SLC5A2: variants seen among roughly 807,000 people sequenced by gnomAD.
The protein encoded by SLC5A2 is solute carrier family 5 member 2.
In SLC5A2, 67 loss-of-function variants were observed where a neutral mutation model predicts 69.0. That is an observed-to-expected ratio of 0.97 (90% CI 0.80 to 1.19). The LOEUF is 1.19. Ranked by LOEUF, SLC5A2 falls within the 50% of genes most tolerant of loss-of-function variation. SLC5A2 has a pLI of 0.00. For synonymous variants in SLC5A2, 455 were observed against 395.8 expected (o/e 1.15, Z -1.78); for missense variants, 1,001 against 921.5 (o/e 1.09, Z -1.12).
chr16:31,489,049 G>C lies in SLC5A2; in HGVS notation c.1449+1G>C, dbSNP rs1596621169. The C allele has an allele frequency of 1.9e-6, 3 of 1,601,352 alleles. No homozygotes were observed. The highest frequency in any genetic ancestry group is 2.2e-5 in the East Asian group (1 of 44,876). On this transcript the variant is annotated splice_donor_variant, in intron 11 of 13. Transcript: ENST00000330498. LOFTEE classifies it high-confidence loss of function. ...CTTCGTGCCGCGCGTTAATGAGCAGGTGAGCGGCACGCGCGTGGTGACGGC... is the reference window on the plus strand; with the variant it reads ...CTTCGTGCCGCGCGTTAATGAGCAGCTGAGCGGCACGCGCGTGGTGACGGC...
Position 31,489,060 on chromosome 16 carries a change from G to A in SLC5A2, c.1449+12G>A, listed in dbSNP as rs373421304. On this transcript the variant is annotated intron_variant, in intron 11 of 13. Transcript: ENST00000330498. ...GCGTTAATGAGCAGGTGAGCGGCAC[G>A]CGCGTGGTGACGGCAGGGCTGGGCT... 4 of 1,601,778 alleles carry A rather than the reference G, an allele frequency of 2.5e-6. No homozygotes were observed. The highest frequency in any genetic ancestry group is 1.7e-5 in the Admixed American group (1 of 60,014).
chr16:31,485,146 C>CT, intron 3 of SLC5A2: 1 of 636,068 alleles, frequency 1.6e-6, no homozygotes, highest in South Asian at 1.8e-5. Context: ...GTGAGCCAGC[C>CT]TGCACCAGCC....
rs1178132818 is a variant in SLC5A2, at chr16:31,484,817, A to G, written c.199-2A>G. The G allele has an allele frequency of 1.9e-6, 3 of 1,613,100 alleles. No homozygotes were observed. The South Asian group carries it at 3.3e-5, about 18-fold the overall frequency. On this transcript the variant is annotated splice_acceptor_variant, in intron 2 of 13. Transcript: ENST00000330498. LOFTEE classifies it high-confidence loss of function. ...TGCTCACTCCCTCCTCTGGCCACCC[A>G]GGTTGGGGCCTCTCTCTTCGCCAGC...
chr16:31,489,195 T>A lies in SLC5A2; in HGVS notation c.1522T>A (p.Ser508Thr). ...ARLIPEFSFG[S>T]GSCVQPSACP... is the part of the protein sequence containing the mutation. ...CCTGATTCCCGAGTTCTCCTTCGGC[T>A]CGGGCAGCTGTGTGCAGCCCTCGGC... Residue 508 changes from serine to threonine, a missense_variant, in exon 12 of 14, where the codon TCG becomes ACG. Transcript: ENST00000330498. 1 of 1,610,398 alleles carries A rather than the reference T, an allele frequency of 6.2e-7. No individual in the cohort carries two copies.
rs760880469 is a variant in SLC5A2, at chr16:31,487,373, G to A, written c.628G>A (p.Gly210Arg). Reference sequence around the variant, plus strand: ...CACGGTACAGACCTTCGTCATTCTGGGGGGCGCCTGCATCCTCATGGGTTA... The same window carrying A: ...CACGGTACAGACCTTCGTCATTCTGAGGGGCGCCTGCATCCTCATGGGTTA... ...TDTVQTFVIL[G>R]GACILMGYAF... Residue 210 changes from glycine (G) to arginine (R), a missense_variant, in exon 6 of 14, where the codon GGG (glycine) becomes AGG (arginine). Coordinates refer to ENST00000330498, the MANE Select transcript of SLC5A2 (RefSeq NM_003041.4). 4.3e-6 allele frequency: 7 copies of A among 1,613,784 alleles called. No individual in the cohort carries two copies. Among genetic ancestry groups the A allele is most frequent in the Non-Finnish European group, 5.9e-6 (7 of 1,180,018 alleles).
In SLC5A2 at chr16:31,484,831, C is replaced by G. The variant is rs2082483082; in HGVS notation, c.211C>G (p.Leu71Val). ...SMVWWPVGAS[L>V]FASNIGSGHF... ...TCTGGCCACCCAGGTTGGGGCCTCT[C>G]TCTTCGCCAGCAACATCGGCAGTGG... Residue 71 changes from leucine to valine, a missense_variant, in exon 3 of 14, where the codon CTC becomes GTC. By Grantham distance (32) the Leu-to-Val change is conservative (BLOSUM62 1). Transcript: ENST00000330498. 2 of 1,613,616 alleles carry G rather than the reference C, an allele frequency of 1.2e-6. No individual in the cohort carries two copies. Among genetic ancestry groups the G allele is most frequent in the African/African-American group, 1.3e-5 (1 of 75,076 alleles).
At position 31,484,736 on chromosome 16, in the gene SLC5A2, T is replaced by G. The variant is rs76577328; in HGVS notation, c.190T>G (p.Trp64Gly). The G allele has an allele frequency of 6.2e-7, 1 of 1,610,450 alleles. No homozygotes were observed. The highest frequency in any genetic ancestry group is 8.5e-7 in the Non-Finnish European group (1 of 1,180,000). The change falls in exon 2 of 14, where the codon TGG becomes GGG. Residue 64 changes from tryptophan to glycine, a missense_variant. By Grantham distance (184) the Trp-to-Gly change is radical. Coordinates refer to ENST00000330498, the MANE Select transcript of SLC5A2 (RefSeq NM_003041.4). ...CTTCCTGGCAGGACGCAGCATGGTG[T>G]GGTGGCCGGTGAGACGGGCTGGGCC... The part of the protein sequence containing the change: ...GYFLAGRSMV[W>G]WPVGASLFAS...
Position 31,483,130 on chromosome 16 carries a change from G to A in SLC5A2, c.-7G>A, listed in dbSNP as rs758871619. On this transcript the variant is annotated 5_prime_UTR_variant, in exon 1 of 14. Coordinates refer to ENST00000330498, the MANE Select transcript of SLC5A2 (RefSeq NM_003041.4). ...CTGGTTCCTGGATGGGGCAGATCCT[G>A]GGGAGAATGGAGGAGCACACAGAGG... 1.1e-5 allele frequency: 17 copies of A among 1,613,784 alleles called. No homozygotes were observed. The South Asian group carries it at 1.3e-4, about 13-fold the overall frequency.
intron 4 of SLC5A2, 137 bp from the exon 5 acceptor site, chr16:31,486,033 T>C: frequency 8.3e-7 from 1 of 1,198,348 alleles, no homozygotes. Context: ...GCAATGAATG[T>C]CTCCGGGGCA....
At chr16:31,487,870 G>A in intron 7 of SLC5A2, 111 bp downstream of exon 7, 1 of 1,388,780 alleles carries the variant, frequency 7.2e-7, no homozygotes, top group Non-Finnish European at 9.8e-7. Flanking sequence ...TCTGAGGGGC[G>A]GGAACCCCTC....
chr16:31,490,651 T>G lies in SLC5A2; in HGVS notation c.*116T>G. ...TGGGGTGAGAAGGTCCTGGCTCCCC[T>G]TCTCCCGGCCTTCCTCTGCCTGGGG... is the stretch of plus-strand genomic sequence containing the variant. On this transcript the variant is annotated 3_prime_UTR_variant, in exon 14 of 14. Coordinates refer to ENST00000330498, the MANE Select transcript of SLC5A2 (RefSeq NM_003041.4). 8.9e-7 allele frequency: 1 copy of G among 1,122,834 alleles called. No homozygotes were observed. The allele number at this position is 1,122,834 out of a possible 1,614,324, so 69.6% of individuals were successfully genotyped here.
At chr16:31,485,056 GGGAGT>G (rs1387805285) in intron 3 of SLC5A2, 133 bp downstream of exon 3, 1 of 835,374 alleles carries the variant, frequency 1.2e-6, no homozygotes, top group African/African-American at 1.7e-5. Context: ...TGACTGGGCT[GGGAGT>G]GGAGGTCATA....
intron 3 of SLC5A2, 23 bp from the exon 4 acceptor site, chr16:31,485,706 A>T: frequency 6.2e-7 from 1 of 1,611,082 alleles, no homozygotes; most frequent in South Asian, 1.1e-5. Flanking sequence ...AGCCACCCTC[A>T]GCGGCAGTAC....
intron 11 of SLC5A2, 24 bp downstream of exon 11, chr16:31,489,072 G>A (rs145701800): frequency 6.2e-6 from 10 of 1,602,446 alleles, no homozygotes; most frequent in African/African-American, 2.7e-5. Flanking sequence ...GCGTGGTGAC[G>A]GCAGGGCTGG....
chr16:31,488,515 C>G lies in SLC5A2; in HGVS notation c.1129+25C>G, dbSNP rs200129421. 1.9e-6 allele frequency: 3 copies of G among 1,602,262 alleles called. No homozygotes were observed. In the East Asian group the frequency reaches 6.7e-5, roughly 36 times the overall value. On this transcript the variant is annotated intron_variant, in intron 9 of 13. Coordinates refer to ENST00000330498, the MANE Select transcript of SLC5A2 (RefSeq NM_003041.4). ...GGTAAGGGCAGCCCCGGGCCACAGG[C>G]GCAAGCTCGCTGCGGAGCCCGCTGC... is the stretch of plus-strand genomic sequence containing the variant.
rs755934984 is a variant in SLC5A2, at chr16:31,490,593, C to A, written c.*58C>A. ...CTCACAGGAAGTGGGGGTGAGGAGCCTGCGGTGCTCCCCAGAAAAGGGGAA... is the reference window on the plus strand; with the variant it reads ...CTCACAGGAAGTGGGGGTGAGGAGCATGCGGTGCTCCCCAGAAAAGGGGAA... On this transcript the variant is annotated 3_prime_UTR_variant, in exon 14 of 14. Transcript: ENST00000330498. The A allele has an allele frequency of 2.2e-5, 31 of 1,412,550 alleles. No individual in the cohort carries two copies. Among genetic ancestry groups the A allele is most frequent in the Non-Finnish European group, 2.5e-5 (25 of 1,014,108 alleles). The allele number at this position is 1,412,550 out of a possible 1,614,324, so 87.5% of individuals were successfully genotyped here.
In SLC5A2 at chr16:31,487,367, A is replaced by T. The variant is rs759856571; in HGVS notation, c.622A>T (p.Ile208Phe). ...CACGGACACGGTACAGACCTTCGTC[A>T]TTCTGGGGGGCGCCTGCATCCTCAT... ...MYTDTVQTFV[I>F]LGGACILMGY... Residue 208 changes from isoleucine to phenylalanine, a missense_variant, in exon 6 of 14, where the codon ATT (isoleucine) becomes TTT (phenylalanine). Ile to Phe is a conservative substitution (Grantham distance 21). Transcript: ENST00000330498. 6.2e-7 allele frequency: 1 copy of T among 1,613,614 alleles called. No homozygotes were observed. The highest frequency in any genetic ancestry group is 8.5e-7 in the Non-Finnish European group (1 of 1,179,996).
chr16:31,486,095 A>T (rs1302262920), intron 4 of SLC5A2, 75 bp from the exon 5 acceptor site: 1 of 1,275,194 alleles, frequency 7.8e-7, no homozygotes, highest in African/African-American at 1.5e-5. Flanking sequence ...TGAGGCTAGT[A>T]GGGCATGGCC....
At position 31,484,908 on chromosome 16, in the gene SLC5A2, T is replaced by G; in HGVS notation, c.288T>G (p.Ala96=). Reference sequence around the variant, plus strand: ...GCGCTGCAAGTGGCTTGGCTGTTGCTGGATTCGAGTGGAATGTGAGGCCCT... The same window carrying G: ...GCGCTGCAAGTGGCTTGGCTGTTGCGGGATTCGAGTGGAATGTGAGGCCCT... ...GTGAASGLAV[A]GFEWNALFVV... is the part of the protein sequence containing the mutation. Residue 96 remains alanine, a synonymous_variant, in exon 3 of 14, where the codon GCT becomes GCG. Transcript: ENST00000330498. 1 of 1,614,106 alleles carries G rather than the reference T, an allele frequency of 6.2e-7. No homozygotes were observed. Among genetic ancestry groups the G allele is most frequent in the Non-Finnish European group, 8.5e-7 (1 of 1,179,980 alleles).
Sources: gnomAD v4.1 joint callset for allele counts on GRCh38, gnomAD v4.1.1 for gene constraint, MANE v1.5 for transcripts, NCBI Gene and HGNC (gene_info 2026-07-23, HGNC 2026-07-21) for gene names.